RNLS: variants seen among roughly 807,000 people sequenced by gnomAD.
RNLS encodes the protein renalase.
RNLS carries 39 observed loss-of-function variants against 39.8 expected under a neutral mutation model. That is an observed-to-expected ratio of 0.98 (90% CI 0.76 to 1.28). The LOEUF (loss-of-function observed/expected upper bound fraction) is 1.28. RNLS is among the 50% of genes most tolerant of loss of function. The pLI, the probability that RNLS is intolerant of heterozygous loss-of-function variation, is 0.00. For missense variants in RNLS, 410 were observed against 413.3 expected (o/e 0.99, Z 0.07); for synonymous variants, 147 against 150.7 (o/e 0.98, Z 0.18).
At chr10:88,525,503 A>G (rs1246350141) in intron 4 of RNLS, among the ~76,000 whole-genome samples, 1 of 152,052 alleles carries the variant, frequency 6.6e-6, no homozygotes, top group East Asian at 1.9e-4. Flanking sequence ...ATGTTTACAA[A>G]TAGTGCTGCA....
chr10:88,264,328 G>A, the RNLS span, among the ~76,000 whole-genome samples: 1 of 152,206 alleles, frequency 6.6e-6, no homozygotes, highest in African/African-American at 2.4e-5. Flanking sequence ...TTTCCTCTGG[G>A]TAGATACCAG....
At chr10:88,221,076 G>C in the RNLS span, among the ~76,000 whole-genome samples, 1 of 152,140 alleles carries the variant, frequency 6.6e-6, no homozygotes, top group African/African-American at 2.4e-5. Context: ...CTTCAGACCG[G>C]GAAGCTTTGT....
chr10:88,446,057 G>C (rs1470811849), intron 4 of RNLS, among the ~76,000 whole-genome samples: 1 of 152,052 alleles, frequency 6.6e-6, no homozygotes, highest in East Asian at 1.9e-4. Context: ...TGACCACATA[G>C]TTGGAAGTAA....
Position 88,416,753 on chromosome 10 carries a change from C to A in RNLS, c.527-54028G>T, listed in dbSNP as rs547647894. Among the ~76,000 whole-genome samples the A allele has an allele frequency of 2.0e-5, 3 of 152,228 alleles. No individual in the cohort carries two copies. In the East Asian group the frequency reaches 5.8e-4, roughly 29 times the overall value. On this transcript the variant is annotated intron_variant, in intron 4 of 6. Coordinates refer to ENST00000331772, the MANE Select transcript of RNLS (RefSeq NM_001031709.3). ...TGTCCTATGTGTCCTAGCTCCCATC[C>A]TATTGAAAACTGGATTAAAAAGGAT...
chr10:88,468,886 T>A (rs1276068813), intron 4 of RNLS, among the ~76,000 whole-genome samples: 1 of 152,200 alleles, frequency 6.6e-6, no homozygotes, highest in Non-Finnish European at 1.5e-5. Context: ...CAGAGTTTTT[T>A]TAACATAGCA....
At chr10:88,524,211 G>C (rs999131162) in intron 4 of RNLS, among the ~76,000 whole-genome samples, 4 of 151,932 alleles carry the variant, frequency 2.6e-5, no homozygotes, top group Admixed American at 6.6e-5. Flanking sequence ...GGCCCTGCTT[G>C]TCTATCCTGT....
At chr10:88,197,476 G>T in the RNLS span, among the ~76,000 whole-genome samples, 2 of 152,104 alleles carry the variant, frequency 1.3e-5, no homozygotes, top group South Asian at 4.1e-4. Flanking sequence ...TGTCATGGTA[G>T]GTGTCAAGCA....
At chr10:88,311,403 T>C (rs1589521408) in intron 6 of RNLS, among the ~76,000 whole-genome samples, 1 of 152,342 alleles carries the variant, frequency 6.6e-6, no homozygotes. Context: ...CAAGTTATAT[T>C]AACTGGCTAA....
At chr10:88,256,352 C>A in the RNLS span, among the ~76,000 whole-genome samples, 1 of 152,298 alleles carries the variant, frequency 6.6e-6, no homozygotes, top group East Asian at 1.9e-4. Flanking sequence ...CATAATGTTC[C>A]GAGTGCTAAA....
intron 4 of RNLS, among the ~76,000 whole-genome samples, chr10:88,479,913 T>G (rs768519653): frequency 6.6e-6 from 1 of 152,086 alleles, no homozygotes; most frequent in Non-Finnish European, 1.5e-5. Context: ...TTAAAACTTG[T>G]ATGTCACACT....
chr10:88,367,415 T>C (rs1331386279), intron 4 of RNLS, among the ~76,000 whole-genome samples: 1 of 152,198 alleles, frequency 6.6e-6, no homozygotes, highest in Non-Finnish European at 1.5e-5. Flanking sequence ...TTAATTCTCA[T>C]TGTGGGACAG....
intron 3 of RNLS, among the ~76,000 whole-genome samples, chr10:88,579,588 G>C (rs373533178): frequency 6.6e-6 from 1 of 152,064 alleles, no homozygotes; most frequent in Non-Finnish European, 1.5e-5. Context: ...ATGCATGCAC[G>C]CATATCAGTT....
At chr10:88,505,564 A>T (rs1231100295) in intron 4 of RNLS, among the ~76,000 whole-genome samples, 2 of 152,094 alleles carry the variant, frequency 1.3e-5, no homozygotes, top group African/African-American at 4.8e-5. Context: ...GAGAAGAAGG[A>T]ATAATAAAAA....
intron 6 of RNLS, among the ~76,000 whole-genome samples, chr10:88,298,900 CA>C: frequency 6.6e-6 from 1 of 152,148 alleles, no homozygotes; most frequent in African/African-American, 2.4e-5. Flanking sequence ...GTCTGTAGAT[CA>C]CTCTGGTTAA....
the RNLS span, among the ~76,000 whole-genome samples, chr10:88,257,947 A>G: frequency 6.6e-6 from 1 of 151,912 alleles, no homozygotes; most frequent in Admixed American, 6.5e-5. Flanking sequence ...TTTTTCCTTT[A>G]CTTAAAAAAA....
chr10:88,471,961 T>C (rs1183901), intron 4 of RNLS, among the ~76,000 whole-genome samples: 75,518 of 151,686 alleles, frequency 0.5, 19,409 homozygotes, highest in Middle Eastern at 0.58. Flanking sequence ...AAAAAAAAAG[T>C]CTTCACCATA....
At chr10:88,332,104 C>T (rs1429212890) in intron 5 of RNLS, among the ~76,000 whole-genome samples, 1 of 152,178 alleles carries the variant, frequency 6.6e-6, no homozygotes, top group African/African-American at 2.4e-5. Context: ...AGAACTAGGC[C>T]TCACTATTCA....
chr10:88,503,207 C>G lies in RNLS; in HGVS notation c.526+69696G>C, dbSNP rs1055029529. 5.3e-5 allele frequency among the ~76,000 whole-genome samples: 8 copies of G among 152,110 alleles called. No individual in the cohort carries two copies. The South Asian group carries it at 1.2e-3, about 24-fold the overall frequency. On this transcript the variant is annotated intron_variant, in intron 4 of 6. Transcript: ENST00000331772. Reference sequence around the variant, plus strand: ...ACCAGTCTGGCAAACACAGTGAAACCCTGTATCTACTAAAAATACAAAAAC... The same window carrying G: ...ACCAGTCTGGCAAACACAGTGAAACGCTGTATCTACTAAAAATACAAAAAC...
chr10:88,378,856 G>GC (rs1236211919), intron 4 of RNLS, among the ~76,000 whole-genome samples: 1 of 152,038 alleles, frequency 6.6e-6, no homozygotes, highest in East Asian at 1.9e-4. Flanking sequence ...TTATTAATCT[G>GC]CTGTTTTGTC....
Sources: gnomAD v4.1 joint callset for allele counts (sites outside exome capture counted in the v4.1 genomes callset) on GRCh38, gnomAD v4.1.1 for gene constraint, MANE v1.5 for transcripts, NCBI Gene and HGNC (gene_info 2026-07-23, HGNC 2026-07-21) for gene names.